CCDC178: variants seen among roughly 807,000 people sequenced by gnomAD.
CCDC178 encodes coiled-coil domain-containing protein 178.
Under a neutral mutation model 117.4 loss-of-function variants are expected in CCDC178, and 126 were observed. The observed-to-expected ratio is 1.07, with a 90% CI of 0.93 to 1.24. CCDC178 has a LOEUF of 1.24. Ranked by LOEUF, CCDC178 falls within the 50% of genes most tolerant of loss-of-function variation. The probability of loss-of-function intolerance (pLI) is 0.00; values close to 1 mark genes in which losing one functional copy is unlikely to be tolerated. For synonymous variants in CCDC178, 283 were observed against 313.4 expected, an observed-to-expected ratio of 0.90 and a Z score of 1.02; for missense variants, 1,030 against 986.9, an observed-to-expected ratio of 1.04 and a Z score of -0.59.
intron 14 of CCDC178, among the ~76,000 whole-genome samples, chr18:33,253,519 AAG>A (rs1235738232): frequency 1.3e-5 from 2 of 151,880 alleles, no homozygotes; most frequent in African/African-American, 4.8e-5. Flanking sequence ...AACTGGGACT[AAG>A]GGGAAGGTGA....
At chr18:33,409,516 A>G (rs1000177031) in intron 3 of CCDC178, among the ~76,000 whole-genome samples, 2 of 152,238 alleles carry the variant, frequency 1.3e-5, no homozygotes, top group Non-Finnish European at 2.9e-5. Context: ...GTACTTTCAC[A>G]GAAGTTAGTA....
intron 15 of CCDC178, among the ~76,000 whole-genome samples, chr18:33,232,838 A>AAG (rs1272962770): frequency 6.6e-6 from 1 of 152,154 alleles, no homozygotes; most frequent in Non-Finnish European, 1.5e-5. Context: ...TCAGTCTAAC[A>AAG]AGATCTTTCT....
intron 20 of CCDC178, among the ~76,000 whole-genome samples, chr18:33,131,088 G>C (rs1268773255): frequency 2.0e-5 from 3 of 151,898 alleles, no homozygotes; most frequent in Non-Finnish European, 4.4e-5. Flanking sequence ...GGAGCTGTGA[G>C]CTAATGGGAG....
intron 9 of CCDC178, among the ~76,000 whole-genome samples, chr18:33,337,620 G>T (rs2062758646): frequency 6.6e-6 from 1 of 152,072 alleles, no homozygotes; most frequent in South Asian, 2.1e-4. Context: ...ACAGCTAACT[G>T]ATCTTCAACA....
intron 2 of CCDC178, among the ~76,000 whole-genome samples, chr18:33,438,466 T>C (rs1298259696): frequency 6.6e-6 from 1 of 151,906 alleles, no homozygotes; most frequent in Non-Finnish European, 1.5e-5. Flanking sequence ...TTCAGCAGCA[T>C]TATAAATGAA....
At chr18:33,379,704 T>C (rs1238811864) in intron 5 of CCDC178, among the ~76,000 whole-genome samples, 1 of 152,122 alleles carries the variant, frequency 6.6e-6, no homozygotes, top group Admixed American at 6.5e-5. Context: ...TGATTGGGTG[T>C]TCCAGATGTC....
intron 6 of CCDC178, among the ~76,000 whole-genome samples, chr18:33,366,933 A>G (rs2063216201): frequency 6.6e-6 from 1 of 152,130 alleles, no homozygotes; most frequent in South Asian, 2.1e-4. Context: ...TCAAAGTTAC[A>G]GTCAGTTGAC....
chr18:32,974,393 T>C (rs2054988725), intron 22 of CCDC178, among the ~76,000 whole-genome samples, 154 bp downstream of exon 22: 1 of 152,332 alleles, frequency 6.6e-6, no homozygotes, highest in South Asian at 2.1e-4. Context: ...GCTAACTTAC[T>C]GAATTCATTC....
chr18:33,257,923 T>C (rs1200076385), intron 14 of CCDC178, among the ~76,000 whole-genome samples: 1 of 152,040 alleles, frequency 6.6e-6, no homozygotes, highest in Non-Finnish European at 1.5e-5. Context: ...ATCCTCTTCA[T>C]ACCCTCTATA....
chr18:33,393,011 T>G (rs2063582414), intron 4 of CCDC178, among the ~76,000 whole-genome samples: 1 of 152,202 alleles, frequency 6.6e-6, no homozygotes, highest in Admixed American at 6.5e-5. Context: ...GGTAATCCAG[T>G]GGAAAGCATC....
At chr18:33,431,191 CTTTTT>C (rs35139388) in intron 2 of CCDC178, among the ~76,000 whole-genome samples, 5 of 117,254 alleles carry the variant, frequency 4.3e-5, no homozygotes, top group Admixed American at 9.1e-5. Context: ...AATGATTTAA[CTTTTT>C]TTTTTTTTTT....
chr18:33,093,307 G>A (rs1162732969), intron 20 of CCDC178, among the ~76,000 whole-genome samples: 1 of 151,872 alleles, frequency 6.6e-6, no homozygotes, highest in Non-Finnish European at 1.5e-5. Context: ...TAGCCCCTGT[G>A]CTTAAATGAG....
At chr18:32,996,707 C>G (rs559295603) in intron 21 of CCDC178, among the ~76,000 whole-genome samples, 51 of 151,886 alleles carry the variant, frequency 3.4e-4, no homozygotes, top group African/African-American at 1.1e-3. Flanking sequence ...CTGGTATAGG[C>G]AAGTATTTTC....
chr18:33,008,473 A>G (rs145262088), intron 21 of CCDC178, among the ~76,000 whole-genome samples: 242 of 152,092 alleles, frequency 1.6e-3, no homozygotes, highest in Middle Eastern at 6.8e-3. Context: ...TGTCTCAGCA[A>G]TTCCTCAGTT....
At position 33,216,209 on chromosome 18, in the gene CCDC178, C is replaced by T. The variant is rs555826964; in HGVS notation, c.1933-514G>A. ...ACTTGCTCCCCTTTCCAAACACACA[C>T]CTAAATGCATACTTTATAAGCATGT... On this transcript the variant is annotated intron_variant, in intron 18 of 22. Coordinates refer to ENST00000383096, the MANE Select transcript of CCDC178 (RefSeq NM_001105528.4). Among the ~76,000 whole-genome samples, 17 of 152,210 alleles carry T rather than the reference C, an allele frequency of 1.1e-4. No individual in the cohort carries two copies. The South Asian group carries it at 1.5e-3, about 13-fold the overall frequency.
At chr18:33,153,456 G>A (rs189920358) in intron 20 of CCDC178, among the ~76,000 whole-genome samples, 185 of 152,006 alleles carry the variant, frequency 1.2e-3, no homozygotes, top group Non-Finnish European at 2.1e-3. Flanking sequence ...TATCTCTTAT[G>A]TCTCTCATAT....
intron 11 of CCDC178, among the ~76,000 whole-genome samples, chr18:33,320,344 CCAT>C (rs2144996982): frequency 6.6e-6 from 1 of 152,216 alleles, no homozygotes; most frequent in South Asian, 2.1e-4. Context: ...TTAGAAAACC[CCAT>C]CGTTTCAGCC....
rs937724754 is a variant in CCDC178, at chr18:33,123,482, T to C, written c.2239-30572A>G. Reference sequence around the variant, plus strand: ...TCTCTTACTACAAAAACCACCATGCTCTAACCACATCATTTAAATGATTGA... The same window carrying C: ...TCTCTTACTACAAAAACCACCATGCCCTAACCACATCATTTAAATGATTGA... On this transcript the variant is annotated intron_variant, in intron 20 of 22. Transcript: ENST00000383096. Among the ~76,000 whole-genome samples the C allele has an allele frequency of 3.3e-5, 5 of 152,118 alleles. No homozygotes were observed. In the East Asian group the frequency reaches 9.7e-4, roughly 29 times the overall value.
intron 21 of CCDC178, among the ~76,000 whole-genome samples, chr18:33,020,860 G>C (rs2056102586): frequency 6.6e-6 from 1 of 152,092 alleles, no homozygotes. Flanking sequence ...TGAAGCCCTA[G>C]TGTGCACTAC....
Sources: gnomAD v4.1 joint callset for allele counts (sites outside exome capture counted in the v4.1 genomes callset) on GRCh38, gnomAD v4.1.1 for gene constraint, MANE v1.5 for transcripts, NCBI Gene and HGNC (gene_info 2026-07-23, HGNC 2026-07-21) for gene names.